Variants in EEPD1 observed in about 807,000 individuals in gnomAD.
EEPD1 encodes endonuclease/exonuclease/phosphatase family domain containing 1.
Under a neutral mutation model 46.3 loss-of-function variants are expected in EEPD1, and 17 were observed. The ratio of observed to expected loss-of-function variants is 0.37; its 90% CI spans 0.25 to 0.55. EEPD1 has a LOEUF of 0.55. Ranked by LOEUF, EEPD1 falls within the 20% of genes least tolerant of loss-of-function variation. EEPD1 has a pLI of 0.83. For synonymous variants in EEPD1, 313 were observed against 315.6 expected, an observed-to-expected ratio of 0.99 and a Z score of 0.09; for missense variants, 673 against 745.6, an observed-to-expected ratio of 0.90 and a Z score of 1.13.
chr7:36,174,941 C>T (rs1785150697), intron 2 of EEPD1, among the ~76,000 whole-genome samples: 1 of 152,192 alleles, frequency 6.6e-6, no homozygotes, highest in African/African-American at 2.4e-5. Context: ...CCAGAGTAGG[C>T]TCAGAGAGAC....
chr7:36,225,427 C>T lies in EEPD1; in HGVS notation c.879-13558C>T, dbSNP rs1260791675. On this transcript the variant is annotated intron_variant, in intron 2 of 7. Coordinates refer to ENST00000242108, the MANE Select transcript of EEPD1 (RefSeq NM_030636.3). The surrounding 1 kb of genome is among the most constrained non-coding windows in gnomAD (Gnocchi z 4.2). ...TCCAAACTGTGATGGAAGGAAACCC[C>T]GTGCTCACGAGGGACTGTGCGTGAA... Among the ~76,000 whole-genome samples, 10 of 152,106 alleles carry T rather than the reference C, an allele frequency of 6.6e-5. No homozygotes were observed. Among genetic ancestry groups the T allele is most frequent in the East Asian group, 5.8e-4 (3 of 5,196 alleles).
At chr7:36,277,527 T>G (rs1262801453) in intron 3 of EEPD1, among the ~76,000 whole-genome samples, 1 of 152,186 alleles carries the variant, frequency 6.6e-6, no homozygotes, top group Non-Finnish European at 1.5e-5. Context: ...GAGTTTGCAT[T>G]TCTGGCAGGC....
intron 2 of EEPD1, among the ~76,000 whole-genome samples, chr7:36,201,301 A>T (rs1234575658): frequency 6.6e-6 from 1 of 152,164 alleles, no homozygotes; most frequent in Non-Finnish European, 1.5e-5. Context: ...TAAGTTATAG[A>T]GTAGTTCATA....
intron 2 of EEPD1, among the ~76,000 whole-genome samples, chr7:36,222,683 G>C (rs547958912): frequency 7.2e-5 from 11 of 152,130 alleles, no homozygotes; most frequent in Admixed American, 6.6e-5. Flanking sequence ...TCAAGGCACC[G>C]GCTAATTCAG....
chr7:36,161,965 C>T (rs1429972183), intron 2 of EEPD1, among the ~76,000 whole-genome samples: 1 of 151,648 alleles, frequency 6.6e-6, no homozygotes, highest in Non-Finnish European at 1.5e-5. Flanking sequence ...TAATAACAAT[C>T]AGTGTCAGTA....
At chr7:36,177,629 G>A (rs1202730349) in intron 2 of EEPD1, among the ~76,000 whole-genome samples, 1 of 152,144 alleles carries the variant, frequency 6.6e-6, no homozygotes, top group Non-Finnish European at 1.5e-5. Context: ...GTATTCCATG[G>A]TGTGTAGGAA....
In EEPD1 at chr7:36,242,136, C is replaced by CT. The variant is rs747341213; in HGVS notation, c.930+3100_930+3101insT. Among the ~76,000 whole-genome samples the CT allele has an allele frequency of 2.5e-3, 388 of 152,290 alleles. 6 individuals carry two copies. In the East Asian group the frequency reaches 0.036, roughly 14 times the overall value. On this transcript the variant is annotated intron_variant, in intron 3 of 7. Transcript: ENST00000242108. ...TACTTACTTTCTCGTGCCTTAGTTT[C>CT]CCAGTTTATAAAATTGAAACTATTC...
At chr7:36,163,770 C>T (rs777531294) in intron 2 of EEPD1, among the ~76,000 whole-genome samples, 30 of 151,048 alleles carry the variant, frequency 2.0e-4, no homozygotes, top group Admixed American at 1.3e-3. Context: ...CCCAGCTACT[C>T]GGAAGGCTGA....
intron 2 of EEPD1, among the ~76,000 whole-genome samples, chr7:36,210,723 G>A (rs1785913467): frequency 6.6e-6 from 1 of 152,254 alleles, no homozygotes; most frequent in Middle Eastern, 3.4e-3. Flanking sequence ...CGCATTTGCT[G>A]CTGCCTCCGC....
At chr7:36,254,635 A>G (rs1420807099) in intron 3 of EEPD1, among the ~76,000 whole-genome samples, 6 of 152,202 alleles carry the variant, frequency 3.9e-5, no homozygotes, top group Non-Finnish European at 7.3e-5. Flanking sequence ...TCCTTTGGGT[A>G]TATACCCAGT....
intron 2 of EEPD1, among the ~76,000 whole-genome samples, chr7:36,182,467 T>C (rs1264208786): frequency 6.6e-6 from 1 of 152,230 alleles, no homozygotes; most frequent in Non-Finnish European, 1.5e-5. Context: ...TTTTGAACCA[T>C]GTGAATATCT....
At chr7:36,269,519 C>T (rs1203178317) in intron 3 of EEPD1, among the ~76,000 whole-genome samples, 2 of 151,754 alleles carry the variant, frequency 1.3e-5, no homozygotes, top group East Asian at 1.9e-4. Context: ...CCTTTCTGAT[C>T]ATATGTTTTG....
chr7:36,186,205 C>G (rs563134805), intron 2 of EEPD1, among the ~76,000 whole-genome samples: 1 of 152,248 alleles, frequency 6.6e-6, no homozygotes, highest in Non-Finnish European at 1.5e-5. Flanking sequence ...TGGGCCCACT[C>G]TCTGCTGGGT....
intron 2 of EEPD1, among the ~76,000 whole-genome samples, chr7:36,227,603 A>G (rs1304054797): frequency 6.6e-6 from 1 of 152,196 alleles, no homozygotes; most frequent in Non-Finnish European, 1.5e-5. Context: ...GTCTTCTAAA[A>G]TTTGGTGATA....
chr7:36,220,960 C>T (rs1786135087), intron 2 of EEPD1, among the ~76,000 whole-genome samples: 1 of 152,126 alleles, frequency 6.6e-6, no homozygotes, highest in African/African-American at 2.4e-5. Flanking sequence ...CCACCACACA[C>T]CACCACACCT....
rs1391490150 is a variant in EEPD1 at position 36,193,873 on chromosome 7, G to T, written c.878+38671G>T. ...GGGACCCTGACACCATTCTGTGGGA[G>T]AGATGACAGTAAAATTAGGCTGTGG... On this transcript the variant is annotated intron_variant, in intron 2 of 7. Coordinates refer to ENST00000242108, the MANE Select transcript of EEPD1 (RefSeq NM_030636.3). The surrounding 1 kb of genome is among the most constrained non-coding windows in gnomAD (Gnocchi z 4.9). 6.6e-6 allele frequency among the ~76,000 whole-genome samples: 1 copy of T among 152,160 alleles called. No homozygotes were observed. The highest frequency in any genetic ancestry group is 1.5e-5 in the Non-Finnish European group (1 of 68,020).
Position 36,154,447 on chromosome 7 carries a change from C to A in EEPD1, c.123C>A (p.Asn41Lys), listed in dbSNP as rs765781241. The A allele has an allele frequency of 2.9e-5, 47 of 1,614,092 alleles. No homozygotes were observed. The highest frequency in any genetic ancestry group is 4.0e-5 in the Non-Finnish European group (47 of 1,180,048). ...SNILVNQERL[N>K]INTATEEELM... is the part of the protein sequence containing the mutation. ...TTCTAGTGAATCAGGAGCGGCTCAA[C>A]ATCAACACTGCCACGGAGGAGGAGC... The change falls in exon 2 of 8, where the codon AAC becomes AAA. Residue 41 changes from asparagine to lysine, a missense_variant. Asn to Lys is a moderately conservative substitution (Grantham distance 94, BLOSUM62 0). Transcript: ENST00000242108. This position sits in a 1 kb window ranked among gnomAD's most constrained non-coding sequence, Gnocchi z 4.2.
chr7:36,281,075 G>A (rs375960469), intron 3 of EEPD1, 40 bp from the exon 4 acceptor site: 1 of 1,592,314 alleles, frequency 6.3e-7, no homozygotes, highest in Non-Finnish European at 8.6e-7. Context: ...ACTGCTTTAG[G>A]CGCGAACCCA....
chr7:36,182,092 A>G (rs998754259), intron 2 of EEPD1, among the ~76,000 whole-genome samples: 1 of 152,192 alleles, frequency 6.6e-6, no homozygotes, highest in African/African-American at 2.4e-5. Context: ...ACCAGCGTGG[A>G]TAAGGTTGTG....
Sources: gnomAD v4.1 joint callset for allele counts (sites outside exome capture counted in the v4.1 genomes callset) on GRCh38, gnomAD v4.1.1 for gene constraint, Gnocchi (gnomAD v3.1) non-coding constraint, MANE v1.5 for transcripts, NCBI Gene and HGNC (gene_info 2026-07-23, HGNC 2026-07-21) for gene names.